MRPS6: variants seen among roughly 807,000 people sequenced by gnomAD.
The protein encoded by MRPS6 is small ribosomal subunit protein bS6m.
In MRPS6, 6 loss-of-function variants were observed where a neutral mutation model predicts 13.1. The ratio of observed to expected loss-of-function variants is 0.46; its 90% CI spans 0.25 to 0.91. The LOEUF is 0.91. Among genes scored for constraint, MRPS6 ranks in the 40% least tolerant of loss-of-function variants. MRPS6 has a pLI of 0.18. For missense variants in MRPS6, 164 were observed against 155.6 expected, an observed-to-expected ratio of 1.05 and a Z score of -0.29; for synonymous variants, 61 against 56.5, an observed-to-expected ratio of 1.08 and a Z score of -0.36.
chr21:34,078,333 G>C (rs1477061465), intron 1 of MRPS6, among the ~76,000 whole-genome samples: 1 of 152,152 alleles, frequency 6.6e-6, no homozygotes, highest in Admixed American at 6.5e-5. Context: ...TATTGCCGCA[G>C]CAAGCTATTG....
At chr21:34,106,283 C>T in intron 1 of MRPS6, 1 of 535,168 alleles carries the variant, frequency 1.9e-6, no homozygotes, top group Non-Finnish European at 2.5e-6. Context: ...TAAGTATTTT[C>T]AGTATGAACA....
At chr21:34,102,374 T>A (rs1979279473) in intron 1 of MRPS6, 1 of 995,352 alleles carries the variant, frequency 1.0e-6, no homozygotes, top group African/African-American at 1.8e-5. Flanking sequence ...TTGATGTAAT[T>A]TCTGTTTCTG....
intron 1 of MRPS6, among the ~76,000 whole-genome samples, chr21:34,109,694 T>C (rs1444977144): frequency 6.6e-6 from 1 of 152,168 alleles, no homozygotes; most frequent in Non-Finnish European, 1.5e-5. Flanking sequence ...AGGTGCCCAG[T>C]GTTGGTATGG....
intron 1 of MRPS6, chr21:34,100,136 T>C: frequency 1.0e-6 from 1 of 998,868 alleles, no homozygotes; most frequent in Non-Finnish European, 1.2e-6. Flanking sequence ...TTGACTAGAA[T>C]AGCTAAAAGT....
chr21:34,088,628 G>A (rs1370889857), intron 1 of MRPS6, among the ~76,000 whole-genome samples: 4 of 152,186 alleles, frequency 2.6e-5, no homozygotes, highest in African/African-American at 9.7e-5. Flanking sequence ...TTCACTGAAG[G>A]TAGTATTGCA....
intron 1 of MRPS6, chr21:34,103,822 A>G: frequency 1.0e-6 from 1 of 1,000,186 alleles, no homozygotes; most frequent in Non-Finnish European, 1.2e-6. Context: ...AATGTCAAGA[A>G]TGCCAAAATT....
chr21:34,127,546 C>T (rs16991261), intron 2 of MRPS6, among the ~76,000 whole-genome samples: 6,015 of 152,248 alleles, frequency 0.04, 161 homozygotes, highest in African/African-American at 0.077. Context: ...CTATAATACT[C>T]GTGAACATTC....
chr21:34,088,528 T>A (rs922886677), intron 1 of MRPS6, among the ~76,000 whole-genome samples: 1 of 152,276 alleles, frequency 6.6e-6, no homozygotes, highest in Non-Finnish European at 1.5e-5. Flanking sequence ...TTGTTACATA[T>A]CCATCTTGTG....
chr21:34,099,192 A>G (rs1185032790), intron 1 of MRPS6: 51 of 999,688 alleles, frequency 5.1e-5, no homozygotes, highest in Non-Finnish European at 5.9e-5. Flanking sequence ...GCCTTGTAGA[A>G]TTTTTTTCTC....
rs1020312997 is a variant in MRPS6 at position 34,104,756 on chromosome 21, G to A, written c.46-20585G>A. Reference sequence around the variant, plus strand: ...AAAGAGAAGTTTGAGGAACACCCTTGGCTTAGCAACATGTGATAATGCAAA... The same window carrying A: ...AAAGAGAAGTTTGAGGAACACCCTTAGCTTAGCAACATGTGATAATGCAAA... On this transcript the variant is annotated intron_variant, in intron 1 of 2. Coordinates refer to ENST00000399312, the MANE Select transcript of MRPS6 (RefSeq NM_032476.4). 4 of 1,000,102 alleles carry A rather than the reference G, an allele frequency of 4.0e-6. No individual in the cohort carries two copies. In the Admixed American group the frequency reaches 2.5e-4, roughly 62 times the overall value. The allele number at this position is 1,000,102 out of a possible 1,614,324, so 62.0% of individuals were successfully genotyped here.
chr21:34,141,761 G>A (rs1317221118), intron 2 of MRPS6, among the ~76,000 whole-genome samples: 1 of 152,200 alleles, frequency 6.6e-6, no homozygotes, highest in Non-Finnish European at 1.5e-5. Context: ...GGCTGCTGAG[G>A]ACCTTGTCAA....
chr21:34,097,506 T>C (rs935242600), intron 1 of MRPS6: 23 of 1,408,958 alleles, frequency 1.6e-5, no homozygotes, highest in African/African-American at 5.8e-5. Context: ...TACAAGACTT[T>C]ATTTTCCCAG....
chr21:34,101,872 T>A (rs747681366), intron 1 of MRPS6: 1 of 1,000,034 alleles, frequency 1.0e-6, no homozygotes, highest in African/African-American at 1.7e-5. Flanking sequence ...TTTTCAAAAA[T>A]TAGGGAGAGA....
At chr21:34,086,089 G>A (rs1246470290) in intron 1 of MRPS6, among the ~76,000 whole-genome samples, 1 of 152,148 alleles carries the variant, frequency 6.6e-6, no homozygotes, top group Admixed American at 6.5e-5. Context: ...CTCTGTAATA[G>A]CTTCTTACCC....
intron 1 of MRPS6, chr21:34,104,792 C>T: frequency 2.0e-6 from 2 of 1,000,166 alleles, no homozygotes; most frequent in Non-Finnish European, 2.4e-6. Flanking sequence ...GCTGTTATAA[C>T]CTGTTAATCC....
At chr21:34,094,221 C>T (rs1978857343) in intron 1 of MRPS6, among the ~76,000 whole-genome samples, 1 of 152,056 alleles carries the variant, frequency 6.6e-6, no homozygotes, top group Admixed American at 6.5e-5. Flanking sequence ...TGTCGTGTTT[C>T]CCATTAGGGC....
At chr21:34,103,912 C>T in intron 1 of MRPS6, 1 of 1,000,084 alleles carries the variant, frequency 1.0e-6, no homozygotes, top group Non-Finnish European at 1.2e-6. Context: ...GGACAGATGT[C>T]TAGGTTTTTG....
At chr21:34,076,523 T>C (rs575473388) in intron 1 of MRPS6, among the ~76,000 whole-genome samples, 54 of 152,340 alleles carry the variant, frequency 3.5e-4, no homozygotes, top group Non-Finnish European at 5.3e-4. Flanking sequence ...AGAAGTTGAT[T>C]ATGAGTATCT....
chr21:34,081,591 A>T (rs1989460367), intron 1 of MRPS6, among the ~76,000 whole-genome samples: 1 of 152,174 alleles, frequency 6.6e-6, no homozygotes. Flanking sequence ...GGCAGATGGG[A>T]CTGGGTTTTG....
Sources: gnomAD v4.1 joint callset for allele counts (sites outside exome capture counted in the v4.1 genomes callset) on GRCh38, gnomAD v4.1.1 for gene constraint, MANE v1.5 for transcripts, NCBI Gene and HGNC (gene_info 2026-07-23, HGNC 2026-07-21) for gene names.